COL7A1: variants seen among roughly 807,000 people sequenced by gnomAD.
COL7A1 encodes the protein collagen type VII alpha 1 chain, also known as collagen alpha-1(VII) chain.
COL7A1 carries 296 observed loss-of-function variants against 456.2 expected under a neutral mutation model. That is an observed-to-expected ratio of 0.65 (90% CI 0.59 to 0.71). The LOEUF (loss-of-function observed/expected upper bound fraction) is 0.71, where lower values mean the gene tolerates loss of function less well. COL7A1 is among the 30% of genes least tolerant of loss of function. The probability of loss-of-function intolerance (pLI) is 0.00; values close to 1 mark genes in which losing one functional copy is unlikely to be tolerated. For missense variants in COL7A1, 3,441 were observed against 4,017.2 expected, an observed-to-expected ratio of 0.86 and a Z score of 3.88; for synonymous variants, 1,464 against 1,525.9, an observed-to-expected ratio of 0.96 and a Z score of 0.95.
chr3:48,589,557 C>G (rs1217336609), intron 17 of COL7A1, 42 bp downstream of exon 17: 3 of 1,612,610 alleles, frequency 1.9e-6, no homozygotes, highest in Admixed American at 3.3e-5. Flanking sequence ...CCCCAGCCCC[C>G]ATTCCACCCT....
At position 48,570,556 on chromosome 3, in the gene COL7A1, C is replaced by A. The variant is rs1405045969; in HGVS notation, c.7345-56G>T. On this transcript the variant is annotated intron_variant, in intron 96 of 118. Transcript: ENST00000681320. This position sits in a 1 kb window ranked among gnomAD's most constrained non-coding sequence, Gnocchi z 5.5. ...GGCTCTCAAAGCGCCTCCCCCAACA[C>A]CCCACAGTGTGGCCCGCCCCATCCT... The A allele has an allele frequency of 1.9e-6, 3 of 1,613,634 alleles. No individual in the cohort carries two copies. The African/African-American group carries it at 4.0e-5, about 22-fold the overall frequency.
In COL7A1 at chr3:48,579,995, A is replaced by G. The variant is rs1430665412; in HGVS notation, c.5124+36T>C. 1.2e-6 allele frequency: 2 copies of G among 1,613,924 alleles called. No individual in the cohort carries two copies. Among genetic ancestry groups the G allele is most frequent in the African/African-American group, 2.7e-5 (2 of 75,008 alleles). On this transcript the variant is annotated intron_variant, in intron 57 of 118. Coordinates refer to ENST00000681320, the MANE Select transcript of COL7A1 (RefSeq NM_000094.4). This position sits in a 1 kb window ranked among gnomAD's most constrained non-coding sequence, Gnocchi z 4.4. ...TGTGGAGCCAAAGGGGCAAGTGAGAACAATGACAGAGGACCAGACCCAGCG... is the reference window on the plus strand; with the variant it reads ...TGTGGAGCCAAAGGGGCAAGTGAGAGCAATGACAGAGGACCAGACCCAGCG...
In COL7A1 at chr3:48,586,925, T is replaced by TG. The variant is rs2045306655; in HGVS notation, c.3276+46dup. On this transcript the variant is annotated intron_variant, in intron 25 of 118. Transcript: ENST00000681320. The surrounding 1 kb of genome is among the most constrained non-coding windows in gnomAD (Gnocchi z 5.1). ...GATGGTAACTGGTATGGAGCCTGGG[T>TG]GGGGGGCCTCAGGGAGAGGTAGAAT... The TG allele has an allele frequency of 6.4e-7, 1 of 1,560,962 alleles. No individual in the cohort carries two copies.
chr3:48,591,579 A>G lies in COL7A1; in HGVS notation c.1521T>C (p.Pro507=). 1 of 1,613,664 alleles carries G rather than the reference A, an allele frequency of 6.2e-7. No individual in the cohort carries two copies. Among genetic ancestry groups the G allele is most frequent in the Non-Finnish European group, 8.5e-7 (1 of 1,179,978 alleles). Residue 507 remains proline, a synonymous_variant, in exon 13 of 119, where the codon CCT becomes CCC. Transcript: ENST00000681320. The surrounding 1 kb of genome is among the most constrained non-coding windows in gnomAD (Gnocchi z 7.0). ...ATVVPTGPEL[P]VSPVTDLQAT... is the part of the protein sequence containing the mutation. Reference sequence around the variant, plus strand: ...CTTGCAGGTCTGTTACAGGGCTCACAGGCAGCTCTGGTCCTGTTGGAGAGC... The same window carrying G: ...CTTGCAGGTCTGTTACAGGGCTCACGGGCAGCTCTGGTCCTGTTGGAGAGC...
chr3:48,593,298 C>A lies in COL7A1; in HGVS notation c.521-35G>T. 1 of 1,614,122 alleles carries A rather than the reference C, an allele frequency of 6.2e-7. No homozygotes were observed. The highest frequency in any genetic ancestry group is 8.5e-7 in the Non-Finnish European group (1 of 1,180,022). On this transcript the variant is annotated intron_variant, in intron 5 of 118. Coordinates refer to ENST00000681320, the MANE Select transcript of COL7A1 (RefSeq NM_000094.4). This position sits in a 1 kb window ranked among gnomAD's most constrained non-coding sequence, Gnocchi z 4.4. ...CGACCCATCAGGACTCAGTCACCCA[C>A]ATGCTCTCTGACTGCCCCCACCCCC...
In COL7A1 at chr3:48,564,729, C is replaced by T; in HGVS notation, c.8818+54G>A. 1 of 1,575,762 alleles carries T rather than the reference C, an allele frequency of 6.3e-7. No homozygotes were observed. Among genetic ancestry groups the T allele is most frequent in the Non-Finnish European group, 8.6e-7 (1 of 1,156,770 alleles). Reference sequence around the variant, plus strand: ...GGCCCAAGGACTCCTCCCCCAGAACCCGATCCAGGCAGGCTCAGTGCCCAG... The same window carrying T: ...GGCCCAAGGACTCCTCCCCCAGAACTCGATCCAGGCAGGCTCAGTGCCCAG... On this transcript the variant is annotated intron_variant, in intron 118 of 118. Coordinates refer to ENST00000681320, the MANE Select transcript of COL7A1 (RefSeq NM_000094.4). The surrounding 1 kb of genome is among the most constrained non-coding windows in gnomAD (Gnocchi z 6.0).
chr3:48,577,537 G>A (rs1268478163), intron 65 of COL7A1, among the ~76,000 whole-genome samples: 1 of 152,220 alleles, frequency 6.6e-6, no homozygotes, highest in African/African-American at 2.4e-5. Context: ...GCGTGTGGGT[G>A]ACCATATAAA....
Position 48,575,966 on chromosome 3 carries a change from C to A in COL7A1, c.5821-64G>T, listed in dbSNP as rs549712143. ...AGAAGCTCCTGCCTTCTGCCCCGCA[C>A]GGCCTCAGGAAAGCACCTTCACACC... is the stretch of plus-strand genomic sequence containing the variant. On this transcript the variant is annotated intron_variant, in intron 71 of 118. Transcript: ENST00000681320. This position sits in a 1 kb window ranked among gnomAD's most constrained non-coding sequence, Gnocchi z 6.3. The A allele has an allele frequency of 2.5e-6, 4 of 1,612,492 alleles. No homozygotes were observed. Among genetic ancestry groups the A allele is most frequent in the African/African-American group, 1.3e-5 (1 of 74,898 alleles).
In COL7A1 at chr3:48,587,348, A is replaced by G. The variant is rs779114871; in HGVS notation, c.2993-12T>C. The G allele has an allele frequency of 1.9e-6, 3 of 1,609,980 alleles. No homozygotes were observed. The highest frequency in any genetic ancestry group is 2.5e-6 in the Non-Finnish European group (3 of 1,178,340). On this transcript the variant is annotated splice_polypyrimidine_tract_variant and intron_variant, in intron 23 of 118. Coordinates refer to ENST00000681320, the MANE Select transcript of COL7A1 (RefSeq NM_000094.4). This position sits in a 1 kb window ranked among gnomAD's most constrained non-coding sequence, Gnocchi z 6.1. ...GGACCCAGGCACTTCTGCAGGAGAC[A>G]GAACTTGATTAAAAAGCTGTCTCCA...
In COL7A1 at chr3:48,574,583, G is replaced by T; in HGVS notation, c.6394-33C>A. Reference sequence around the variant, plus strand: ...CAGAGTGTCGTGCCCTGAGCCCCCAGTCCCTGCCACGTGCCCAGGTGCATA... The same window carrying T: ...CAGAGTGTCGTGCCCTGAGCCCCCATTCCCTGCCACGTGCCCAGGTGCATA... On this transcript the variant is annotated intron_variant, in intron 78 of 118. Coordinates refer to ENST00000681320, the MANE Select transcript of COL7A1 (RefSeq NM_000094.4). The surrounding 1 kb of genome is among the most constrained non-coding windows in gnomAD (Gnocchi z 5.0). 1 of 1,613,872 alleles carries T rather than the reference G, an allele frequency of 6.2e-7. No individual in the cohort carries two copies. Among genetic ancestry groups the T allele is most frequent in the Non-Finnish European group, 8.5e-7 (1 of 1,180,028 alleles).
Position 48,572,613 on chromosome 3 carries a change from G to C in COL7A1, c.6900+58C>G, listed in dbSNP as rs2044007428. On this transcript the variant is annotated intron_variant, in intron 88 of 118. Coordinates refer to ENST00000681320, the MANE Select transcript of COL7A1 (RefSeq NM_000094.4). This position sits in a 1 kb window ranked among gnomAD's most constrained non-coding sequence, Gnocchi z 4.6. ...CCACCCCCATGGCATTTGGAAACAGGCTTGTGGGTGAGGCAGAGGAGTTGC... is the reference window on the plus strand; with the variant it reads ...CCACCCCCATGGCATTTGGAAACAGCCTTGTGGGTGAGGCAGAGGAGTTGC... 2 of 1,605,018 alleles carry C rather than the reference G, an allele frequency of 1.2e-6. No homozygotes were observed. Among genetic ancestry groups the C allele is most frequent in the Non-Finnish European group, 1.7e-6 (2 of 1,175,382 alleles).
rs1303571295 is a variant in COL7A1, at chr3:48,582,647, G to A, written c.4525C>T (p.Pro1509Ser). The change falls in exon 45 of 119, where the codon CCA (proline) becomes TCA (serine). Residue 1509 changes from proline (P) to serine (S), a missense_variant. Physicochemically the swap from Pro to Ser is moderately conservative, Grantham distance 74. Transcript: ENST00000681320. ...GCTCCAGGACGTCCAGCAACCCCTGGCAGCCCCTGGAGGAGAGGAAGGGAA... is the reference window on the plus strand; with the variant it reads ...GCTCCAGGACGTCCAGCAACCCCTGACAGCCCCTGGAGGAGAGGAAGGGAA... ...PPGPAGSRGL[P>S]GVAGRPGAKG... 2 of 1,613,472 alleles carry A rather than the reference G, an allele frequency of 1.2e-6. No individual in the cohort carries two copies. The highest frequency in any genetic ancestry group is 1.1e-5 in the South Asian group (1 of 91,066).
chr3:48,575,257 G>T lies in COL7A1; in HGVS notation c.6181-15C>A. The T allele has an allele frequency of 6.2e-7, 1 of 1,613,902 alleles. No homozygotes were observed. The highest frequency in any genetic ancestry group is 8.5e-7 in the Non-Finnish European group (1 of 1,179,968). On this transcript the variant is annotated splice_polypyrimidine_tract_variant and intron_variant, in intron 74 of 118. Transcript: ENST00000681320. The surrounding 1 kb of genome is among the most constrained non-coding windows in gnomAD (Gnocchi z 6.3). Reference sequence around the variant, plus strand: ...CCCCGTTCTCCCTGAAATGCAAATAGCGGGTGAGGGCCAAGCCCATGGGGG... The same window carrying T: ...CCCCGTTCTCCCTGAAATGCAAATATCGGGTGAGGGCCAAGCCCATGGGGG...
Position 48,570,800 on chromosome 3 carries a change from G to T in COL7A1, c.7272+61C>A. On this transcript the variant is annotated intron_variant, in intron 95 of 118. Coordinates refer to ENST00000681320, the MANE Select transcript of COL7A1 (RefSeq NM_000094.4). This position sits in a 1 kb window ranked among gnomAD's most constrained non-coding sequence, Gnocchi z 5.5. ...TCAAGACTGGGAACCCCCAAGGCAG[G>T]GCCCCCTCCTCACCCACCATGGATT... 1 of 1,564,520 alleles carries T rather than the reference G, an allele frequency of 6.4e-7. No individual in the cohort carries two copies. Among genetic ancestry groups the T allele is most frequent in the Non-Finnish European group, 8.7e-7 (1 of 1,154,414 alleles).
In COL7A1 at chr3:48,586,334, G is replaced by T; in HGVS notation, c.3548C>A (p.Ser1183Tyr). The change falls in exon 27 of 119, where the codon TCT becomes TAT. Residue 1183 changes from serine to tyrosine, a missense_variant and splice_region_variant. By Grantham distance (144) the Ser-to-Tyr change is moderately radical (BLOSUM62 -2). Around this residue, in one of 3 missense-constraint regions of COL7A1, gnomAD observed 2,084 missense variants for 2,501.3 expected, o/e 0.83. Transcript: ENST00000681320. The surrounding 1 kb of genome is among the most constrained non-coding windows in gnomAD (Gnocchi z 5.1). ...TTCCCCATCAGCCTACTCCTTACCAGAAGCCTGGGCCTCACGGATGGGGCT... is the reference window on the plus strand; with the variant it reads ...TTCCCCATCAGCCTACTCCTTACCATAAGCCTGGGCCTCACGGATGGGGCT... ...IFSPIREAQA[S>Y]GLNVVMLGMA... 6.2e-7 allele frequency: 1 copy of T among 1,613,862 alleles called. No individual in the cohort carries two copies. The highest frequency in any genetic ancestry group is 8.5e-7 in the Non-Finnish European group (1 of 1,179,970).
rs2043522742 is a variant in COL7A1, at chr3:48,564,636, T to C, written c.8818+147A>G. 8 of 1,072,594 alleles carry C rather than the reference T, an allele frequency of 7.5e-6. No individual in the cohort carries two copies. The East Asian group carries it at 2.1e-4, about 28-fold the overall frequency. The allele number at this position is 1,072,594 out of a possible 1,614,324, so 66.4% of individuals were successfully genotyped here. A position where few individuals can be genotyped will look rare whatever the true frequency, so the allele number is the denominator to read the frequency against. ...TGGGGCTCTATATTCAGCTCTTTGG[T>C]CTGGGCGTCTGCCCCAGGTCCCCTA... On this transcript the variant is annotated intron_variant, in intron 118 of 118. Transcript: ENST00000681320. The surrounding 1 kb of genome is among the most constrained non-coding windows in gnomAD (Gnocchi z 6.0).
Position 48,570,027 on chromosome 3 carries a change from C to T in COL7A1, c.7485+107G>A, listed in dbSNP as rs777116088. ...ACCAGACAAAGGGGACAGGGGTAGA[C>T]GAGGAGGGCCAGAGGGCTAGGGAGG... On this transcript the variant is annotated intron_variant, in intron 99 of 118. Coordinates refer to ENST00000681320, the MANE Select transcript of COL7A1 (RefSeq NM_000094.4). The surrounding 1 kb of genome is among the most constrained non-coding windows in gnomAD (Gnocchi z 5.5). 1.8e-5 allele frequency: 29 copies of T among 1,592,442 alleles called. No individual in the cohort carries two copies. The highest frequency in any genetic ancestry group is 5.5e-5 in the South Asian group (5 of 90,298).
rs2043593345 is a variant in COL7A1 at position 48,566,113 on chromosome 3, T to C, written c.8407+154A>G. Among the ~76,000 whole-genome samples, 2 of 152,168 alleles carry C rather than the reference T, an allele frequency of 1.3e-5. No individual in the cohort carries two copies. Among genetic ancestry groups the C allele is most frequent in the Non-Finnish European group, 2.9e-5 (2 of 68,014 alleles). ...TGTGTCTCCCTCCACTGGGGACACA[T>C]GTCATGTGTCAGTCCTGCAGCACAT... is the stretch of plus-strand genomic sequence containing the variant. On this transcript the variant is annotated intron_variant, in intron 114 of 118. Coordinates refer to ENST00000681320, the MANE Select transcript of COL7A1 (RefSeq NM_000094.4). This position sits in a 1 kb window ranked among gnomAD's most constrained non-coding sequence, Gnocchi z 5.9.
rs1376297773 is a variant in COL7A1 at position 48,568,522 on chromosome 3, C to T, written c.7771G>A (p.Ala2591Thr). 6 of 1,608,026 alleles carry T rather than the reference C, an allele frequency of 3.7e-6. No homozygotes were observed. Among genetic ancestry groups the T allele is most frequent in the Non-Finnish European group, 4.3e-6 (5 of 1,175,658 alleles). Residue 2591 changes from alanine (A) to threonine (T), a missense_variant, in exon 105 of 119, where the codon GCA (alanine) becomes ACA (threonine). Physicochemically the swap from Ala to Thr is moderately conservative, Grantham distance 58. Around this residue, in one of 3 missense-constraint regions of COL7A1, gnomAD observed 2,084 missense variants for 2,501.3 expected, o/e 0.83. Transcript: ENST00000681320. This position sits in a 1 kb window ranked among gnomAD's most constrained non-coding sequence, Gnocchi z 5.2. ...GLLGPQGQPGAAGIPGDPGSP... is the reference protein window; with the variant it reads ...GLLGPQGQPGTAGIPGDPGSP... ...ACCGGGTCACCAGGGATCCCTGCTGCACCAGGTTGACCCTGTGAGAAACAC... is the reference window on the plus strand; with the variant it reads ...ACCGGGTCACCAGGGATCCCTGCTGTACCAGGTTGACCCTGTGAGAAACAC...
Sources: allele counts gnomAD v4.1 joint callset (sites outside exome capture counted in the v4.1 genomes callset), GRCh38; gene constraint gnomAD v4.1.1; regional missense constraint gnomAD v4.1.1; non-coding constraint Gnocchi (gnomAD v3.1); transcripts MANE v1.5; gene names NCBI Gene and HGNC (gene_info 2026-07-23, HGNC 2026-07-21).